The following ERFL variants were observed in gnomAD, a reference collection of about 807,000 sequenced individuals.
The protein encoded by ERFL is ETS domain-containing transcription factor ERF-like.
In ERFL, 8 loss-of-function variants were observed where a neutral mutation model predicts 27.9. The observed-to-expected ratio is 0.29, with a 90% CI of 0.17 to 0.52. The LOEUF (loss-of-function observed/expected upper bound fraction) is 0.52, where lower values mean the gene tolerates loss of function less well. Ranked by LOEUF, ERFL falls within the 20% of genes least tolerant of loss-of-function variation. The probability of loss-of-function intolerance (pLI) is 0.97; values close to 1 mark genes in which losing one functional copy is unlikely to be tolerated. For synonymous variants in ERFL, 174 were observed against 202.8 expected, an observed-to-expected ratio of 0.86 and a Z score of 1.21; for missense variants, 294 against 444.4, an observed-to-expected ratio of 0.66 and a Z score of 3.04.
In ERFL at chr19:41,917,345, C is replaced by T. The variant is rs1249640935; in HGVS notation, c.-13-4413G>A. 1.3e-5 allele frequency among the ~76,000 whole-genome samples: 2 copies of T among 151,972 alleles called. No individual in the cohort carries two copies. The highest frequency in any genetic ancestry group is 2.9e-5 in the Non-Finnish European group (2 of 68,004). ...ATCTCTCTCTGCCTCTGTCTCCTAA[C>T]GCCCCATCACCACGCCCCCCTGGGC... On this transcript the variant is annotated intron_variant, in intron 1 of 5. Coordinates refer to ENST00000597630, the MANE Select transcript of ERFL (RefSeq NM_001365103.2). This position sits in a 1 kb window ranked among gnomAD's most constrained non-coding sequence, Gnocchi z 4.8.
At chr19:41,911,491 G>C (rs1440686412) in intron 2 of ERFL, among the ~76,000 whole-genome samples, 1 of 152,228 alleles carries the variant, frequency 6.6e-6, no homozygotes, top group Non-Finnish European at 1.5e-5. Context: ...GTTTAGAACT[G>C]CACAGGTGGA....
chr19:41,928,155 G>A lies in ERFL; in HGVS notation c.-129C>T, dbSNP rs2074883231. 6.6e-6 allele frequency: 1 copy of A among 151,868 alleles called. No homozygotes were observed. The highest frequency in any genetic ancestry group is 6.6e-5 in the Admixed American group (1 of 15,252). The allele number at this position is 151,868 out of a possible 1,614,324, so 9.4% of individuals were successfully genotyped here. A position where few individuals can be genotyped will look rare whatever the true frequency, so the allele number is the denominator to read the frequency against. Reference sequence around the variant, plus strand: ...GGGCACCGGGGCGAGGGGCGGGGTGGGGGGAGATGCCCGGAGCCCCGGGGA... The same window carrying A: ...GGGCACCGGGGCGAGGGGCGGGGTGAGGGGAGATGCCCGGAGCCCCGGGGA... On this transcript the variant is annotated 5_prime_UTR_variant, in exon 1 of 6. Transcript: ENST00000597630.
In ERFL at chr19:41,909,242, G is replaced by A. The variant is rs1377935811; in HGVS notation, c.498+34C>T. ...CCCCTCCCCAGAGTGGGCACCAAGT[G>A]CCTCGGTTCCAGGACCCCAGTACCC... On this transcript the variant is annotated intron_variant, in intron 4 of 5. Transcript: ENST00000597630. The surrounding 1 kb of genome is among the most constrained non-coding windows in gnomAD (Gnocchi z 5.2). The A allele has an allele frequency of 3.8e-5, 47 of 1,231,324 alleles. No individual in the cohort carries two copies. The highest frequency in any genetic ancestry group is 4.7e-5 in the Non-Finnish European group (46 of 987,726). 76.3% of individuals were successfully genotyped at this position (1,231,324 alleles called of 1,614,324 possible).
In ERFL at chr19:41,917,519, A is replaced by G. The variant is rs1267327528; in HGVS notation, c.-13-4587T>C. Among the ~76,000 whole-genome samples, 1 of 140,786 alleles carries G rather than the reference A, an allele frequency of 7.1e-6. No individual in the cohort carries two copies. Among genetic ancestry groups the G allele is most frequent in the African/African-American group, 2.7e-5 (1 of 37,396 alleles). 92.4% of individuals were successfully genotyped at this position (140,786 alleles called of 152,430 possible). A position where few individuals can be genotyped will look rare whatever the true frequency, so the allele number is the denominator to read the frequency against. ...CCCTTAACACAATCTGCACAATCGGAATGAAAATTGATTTTTTTTTTAAAT... is the reference window on the plus strand; with the variant it reads ...CCCTTAACACAATCTGCACAATCGGGATGAAAATTGATTTTTTTTTTAAAT... On this transcript the variant is annotated intron_variant, in intron 1 of 5. Transcript: ENST00000597630. This position sits in a 1 kb window ranked among gnomAD's most constrained non-coding sequence, Gnocchi z 4.8.
intron 1 of ERFL, among the ~76,000 whole-genome samples, chr19:41,915,381 C>A (rs1375088676): frequency 2.0e-5 from 3 of 151,632 alleles, no homozygotes; most frequent in Non-Finnish European, 2.9e-5. Flanking sequence ...TTGCCCATCG[C>A]CTCTGCCGCC....
chr19:41,918,010 G>A (rs560793646), intron 1 of ERFL, among the ~76,000 whole-genome samples: 7 of 151,934 alleles, frequency 4.6e-5, no homozygotes, highest in East Asian at 3.9e-4. Flanking sequence ...GCCGGCCCTC[G>A]ACAGGCACCA....
intron 1 of ERFL, among the ~76,000 whole-genome samples, chr19:41,915,830 C>T (rs1357919608): frequency 4.6e-5 from 7 of 152,150 alleles, no homozygotes; most frequent in East Asian, 1.9e-4. Context: ...GCCTGCGGGG[C>T]CTGGGGCTGC....
intron 1 of ERFL, among the ~76,000 whole-genome samples, chr19:41,915,390 C>T (rs999866065): frequency 6.6e-6 from 1 of 151,786 alleles, no homozygotes; most frequent in Non-Finnish European, 1.5e-5. Context: ...GCCTCTGCCG[C>T]CCTGTCCCCG....
At chr19:41,914,381 A>C (rs1599673866) in intron 1 of ERFL, among the ~76,000 whole-genome samples, 2 of 132,110 alleles carry the variant, frequency 1.5e-5, no homozygotes, top group Admixed American at 7.5e-5. Context: ...CTCTCTCCCC[A>C]CCTCACTGCC....
Position 41,909,831 on chromosome 19 carries a change from A to G in ERFL, c.302+32T>C. On this transcript the variant is annotated intron_variant, in intron 3 of 5. Coordinates refer to ENST00000597630, the MANE Select transcript of ERFL (RefSeq NM_001365103.2). This position sits in a 1 kb window ranked among gnomAD's most constrained non-coding sequence, Gnocchi z 5.2. ...AGAGGGACAGTTGGGGGAAAAGGAC[A>G]AGGTGGGATCCAGCCCCAAGCCCTT... 1 of 1,563,194 alleles carries G rather than the reference A, an allele frequency of 6.4e-7. No individual in the cohort carries two copies. The highest frequency in any genetic ancestry group is 1.7e-4 in the Middle Eastern group (1 of 5,894).
chr19:41,922,406 A>G (rs2074847746), intron 1 of ERFL, among the ~76,000 whole-genome samples: 1 of 152,152 alleles, frequency 6.6e-6, no homozygotes, highest in Non-Finnish European at 1.5e-5. Flanking sequence ...GATGGAGCCG[A>G]GAGCTAGAGG....
rs1029409408 is a variant in ERFL, at chr19:41,909,396, G to A, written c.378C>T (p.Val126=). Residue 126 remains valine, a synonymous_variant, in exon 4 of 6, where the codon GTC becomes GTT. Coordinates refer to ENST00000597630, the MANE Select transcript of ERFL (RefSeq NM_001365103.2). This position sits in a 1 kb window ranked among gnomAD's most constrained non-coding sequence, Gnocchi z 5.2. ...RFTYKFNFSK[V]VLVNYPLLDM... ...CCAGCAGCGGGTAATTGACAAGCAC[G>A]ACTTTGCTGAAGTTGAACTTGTAGG... 6.5e-6 allele frequency: 8 copies of A among 1,237,354 alleles called. No homozygotes were observed. Among genetic ancestry groups the A allele is most frequent in the South Asian group, 4.0e-5 (1 of 24,762 alleles). 76.6% of individuals were successfully genotyped at this position (1,237,354 alleles called of 1,614,324 possible).
At chr19:41,915,942 C>A (rs2074798542) in intron 1 of ERFL, among the ~76,000 whole-genome samples, 1 of 152,130 alleles carries the variant, frequency 6.6e-6, no homozygotes. Flanking sequence ...ACCCCCCTCC[C>A]CCCCGCCGGC....
intron 1 of ERFL, among the ~76,000 whole-genome samples, chr19:41,926,491 C>T (rs568554074): frequency 1.1e-3 from 172 of 152,208 alleles, no homozygotes; most frequent in African/African-American, 3.4e-3. Flanking sequence ...TGCAGTGTGA[C>T]TCTGCCAGAT....
chr19:41,913,012 G>A (rs2074763022), intron 1 of ERFL, 80 bp from the exon 2 acceptor site: 1 of 584,996 alleles, frequency 1.7e-6, no homozygotes, highest in Non-Finnish European at 2.5e-6. Context: ...GCGCTGCCCG[G>A]GGCCTTCCCC....
chr19:41,924,375 CT>C (rs2145910664), intron 1 of ERFL, among the ~76,000 whole-genome samples: 1 of 152,220 alleles, frequency 6.6e-6, no homozygotes, highest in Non-Finnish European at 1.5e-5. Context: ...GTTTCCTTCT[CT>C]GTAAAATGGG....
In ERFL at chr19:41,908,488, C is replaced by A. The variant is rs970181856; in HGVS notation, c.805G>T (p.Gly269Trp). ...SLGHLPSSGA[G>W]GGPTATPLLA... ...AGGGGCGTGGCTGTGGGGCCTCCCCCTGCCCCTGACGAGGGCAGGTGGCCC... is the reference window on the plus strand; with the variant it reads ...AGGGGCGTGGCTGTGGGGCCTCCCCATGCCCCTGACGAGGGCAGGTGGCCC... The change falls in exon 6 of 6, where the codon GGG (glycine) becomes TGG (tryptophan). Residue 269 changes from glycine (G) to tryptophan (W), a missense_variant. Around this residue, in one of 3 missense-constraint regions of ERFL, gnomAD observed 246 missense variants for 371.4 expected, o/e 0.66. Coordinates refer to ENST00000597630, the MANE Select transcript of ERFL (RefSeq NM_001365103.2). The surrounding 1 kb of genome is among the most constrained non-coding windows in gnomAD (Gnocchi z 6.7). 4 of 1,231,510 alleles carry A rather than the reference C, an allele frequency of 3.2e-6. No individual in the cohort carries two copies. The African/African-American group carries it at 6.2e-5, about 19-fold the overall frequency. The allele number at this position is 1,231,510 out of a possible 1,614,324, so 76.3% of individuals were successfully genotyped here.
chr19:41,926,102 G>A (rs115026660), intron 1 of ERFL, among the ~76,000 whole-genome samples: 3,503 of 152,114 alleles, frequency 0.023, 137 homozygotes, highest in African/African-American at 0.08. Flanking sequence ...GATGGCTCAC[G>A]TACAGGTAGG....
chr19:41,926,729 G>A (rs1044583701), intron 1 of ERFL, among the ~76,000 whole-genome samples: 1 of 152,068 alleles, frequency 6.6e-6, no homozygotes, highest in Admixed American at 6.5e-5. Flanking sequence ...GGGAGCGGGC[G>A]GGGGGGCCGT....
Sources: allele counts gnomAD v4.1 joint callset (sites outside exome capture counted in the v4.1 genomes callset), GRCh38; gene constraint gnomAD v4.1.1; regional missense constraint gnomAD v4.1.1; non-coding constraint Gnocchi (gnomAD v3.1); transcripts MANE v1.5; gene names NCBI Gene and HGNC (gene_info 2026-07-23, HGNC 2026-07-21).